TNRC18: variants seen among roughly 807,000 people sequenced by gnomAD.
TNRC18 encodes the protein trinucleotide repeat-containing gene 18 protein.
TNRC18 carries 69 observed loss-of-function variants against 226.7 expected under a neutral mutation model. The observed-to-expected ratio is 0.30, with a 90% CI of 0.25 to 0.37. TNRC18 has a LOEUF of 0.37. Among genes scored for constraint, TNRC18 ranks in the 10% least tolerant of loss-of-function variants. TNRC18 has a pLI of 1.00. For synonymous variants in TNRC18, 2,449 were observed against 1,927.6 expected (o/e 1.27, Z -7.09); for missense variants, 4,754 against 4,256.6 (o/e 1.12, Z -3.25).
chr7:5,399,567 G>A (rs1311240396), intron 2 of TNRC18, among the ~76,000 whole-genome samples: 4 of 152,048 alleles, frequency 2.6e-5, no homozygotes, highest in African/African-American at 7.2e-5. Context: ...TTAGCCGGGC[G>A]TGGTGGCACA....
chr7:5,407,642 T>A, intron 2 of TNRC18, among the ~76,000 whole-genome samples: 1 of 152,098 alleles, frequency 6.6e-6, no homozygotes, highest in Non-Finnish European at 1.5e-5. Context: ...ACAAAATAAG[T>A]GTTCGAATTT....
At position 5,315,059 on chromosome 7, in the gene TNRC18, C is replaced by T. The variant is rs1187774522; in HGVS notation, c.6952G>A (p.Gly2318Ser). The stretch of plus-strand genomic sequence containing the variant: ...CCTGGCTCCTCCGACCCAGCCGTGC[C>T]ACCATCTTTGCCCTCCCCAGTGTCT... ...SKDTGEGKDG[G>S]TAGSEEPGAK... Residue 2318 changes from glycine (G) to serine (S), a missense_variant, in exon 26 of 30, where the codon GGC (glycine) becomes AGC (serine). By Grantham distance (56) the Gly-to-Ser change is moderately conservative. Coordinates refer to ENST00000430969, the MANE Select transcript of TNRC18 (RefSeq NM_001080495.3). 6.2e-7 allele frequency: 1 copy of T among 1,611,498 alleles called. No homozygotes were observed. The highest frequency in any genetic ancestry group is 8.5e-7 in the Non-Finnish European group (1 of 1,179,134).
intron 3 of TNRC18, among the ~76,000 whole-genome samples, chr7:5,391,397 C>T (rs963860011): frequency 1.3e-5 from 2 of 151,854 alleles, no homozygotes; most frequent in Non-Finnish European, 2.9e-5. Context: ...CTGCAACCTC[C>T]ACCTCCTTAG....
chr7:5,374,456 C>T lies in TNRC18; in HGVS notation c.2828G>A (p.Arg943Gln), dbSNP rs762422762. 132 of 1,546,768 alleles carry T rather than the reference C, an allele frequency of 8.5e-5. 1 individual carries two copies. The Middle Eastern group carries it at 1.3e-3, about 15-fold the overall frequency. Reference protein sequence around the residue: ...VQERLKAQEHRAEMEEKGSKR... With the variant: ...VQERLKAQEHQAEMEEKGSKR... ...GCTCCCCTTCTCTTCCATCTCCGCC[C>T]GGTGCTCCTGCGCCTTCAACCGCTC... Residue 943 changes from arginine (R) to glutamine (Q), a missense_variant, in exon 10 of 30, where the codon CGG becomes CAG. Arg to Gln is a conservative substitution (Grantham distance 43, BLOSUM62 1). Transcript: ENST00000430969.
intron 10 of TNRC18, 102 bp from the exon 11 acceptor site, chr7:5,371,466 C>T (rs528834302): frequency 3.0e-5 from 41 of 1,369,538 alleles, no homozygotes; most frequent in South Asian, 1.3e-4. Flanking sequence ...AGGACGCAGC[C>T]GCCCCCTGCT....
At chr7:5,361,765 G>A (rs772432724) in intron 13 of TNRC18, 43 bp from the exon 14 acceptor site, 1 of 1,548,800 alleles carries the variant, frequency 6.5e-7, no homozygotes, top group East Asian at 2.4e-5. Flanking sequence ...TGGGGGGCGG[G>A]CGGGGCGCGG....
rs1782559869 is a variant in TNRC18 at position 5,421,149 on chromosome 7, G to C, written c.98C>G (p.Ala33Gly). Residue 33 changes from alanine (A) to glycine (G), a missense_variant, in exon 2 of 30, where the codon GCC becomes GGC. Ala to Gly is a moderately conservative substitution (Grantham distance 60). Coordinates refer to ENST00000430969, the MANE Select transcript of TNRC18 (RefSeq NM_001080495.3). ...LAMDSHRVGAATAGRLPASGL... is the reference protein window; with the variant it reads ...LAMDSHRVGAGTAGRLPASGL... ...CGAGGCGGGCAAGCGTCCGGCAGTGGCCGCGCCCACGCGGTGGCTGTCCAT... is the reference window on the plus strand; with the variant it reads ...CGAGGCGGGCAAGCGTCCGGCAGTGCCCGCGCCCACGCGGTGGCTGTCCAT... 7.0e-7 allele frequency: 1 copy of C among 1,431,008 alleles called. No homozygotes were observed. The highest frequency in any genetic ancestry group is 9.2e-7 in the Non-Finnish European group (1 of 1,088,508). The allele number at this position is 1,431,008 out of a possible 1,614,324, so 88.6% of individuals were successfully genotyped here.
rs569047006 is a variant in TNRC18, at chr7:5,332,743, G to A, written c.6026C>T (p.Ala2009Val). Residue 2009 changes from alanine (A) to valine (V), a missense_variant, in exon 19 of 30, where the codon GCT becomes GTT. Coordinates refer to ENST00000430969, the MANE Select transcript of TNRC18 (RefSeq NM_001080495.3). The part of the protein sequence containing the change: ...SERIFLHDAS[A>V]AAPAPVSTAP... ...GGTGCTGACGGGCGCAGGTGCAGCA[G>A]CCGAGGCGTCGTGCAGGAAGATGCG... The A allele has an allele frequency of 2.0e-6, 3 of 1,522,108 alleles. No individual in the cohort carries two copies. In the East Asian group the frequency reaches 7.6e-5, roughly 39 times the overall value. 94.3% of individuals were successfully genotyped at this position (1,522,108 alleles called of 1,614,324 possible).
intron 2 of TNRC18, chr7:5,420,286 C>T: frequency 2.3e-6 from 1 of 427,256 alleles, no homozygotes; most frequent in Non-Finnish European, 4.7e-6. Flanking sequence ...CCAGGGTTTT[C>T]CCCTCCGCCG....
intron 27 of TNRC18, among the ~76,000 whole-genome samples, chr7:5,310,059 T>C (rs1418201977): frequency 6.6e-6 from 1 of 151,956 alleles, no homozygotes; most frequent in Non-Finnish European, 1.5e-5. Flanking sequence ...ATTACAGGAA[T>C]CCACGGCTAA....
chr7:5,324,410 G>T lies in TNRC18; in HGVS notation c.6301-55C>A. 6.3e-7 allele frequency: 1 copy of T among 1,592,392 alleles called. No homozygotes were observed. On this transcript the variant is annotated intron_variant, in intron 20 of 29. Coordinates refer to ENST00000430969, the MANE Select transcript of TNRC18 (RefSeq NM_001080495.3). The surrounding 1 kb of genome is among the most constrained non-coding windows in gnomAD (Gnocchi z 4.8). ...TTAGGACCTGAACAGGGGTCCTGCC[G>T]GGTTGGGGACCCTCTCTGGAAACCT...
At chr7:5,369,382 C>T (rs1415934581) in intron 11 of TNRC18, among the ~76,000 whole-genome samples, 1 of 152,120 alleles carries the variant, frequency 6.6e-6, no homozygotes, top group African/African-American at 2.4e-5. Flanking sequence ...AAAGCATGAA[C>T]CGCAGTCAGC....
rs1787316962 is a variant in TNRC18, at chr7:5,312,366, T to A, written c.8388+137A>T. On this transcript the variant is annotated intron_variant, in intron 27 of 29. Transcript: ENST00000430969. This position sits in a 1 kb window ranked among gnomAD's most constrained non-coding sequence, Gnocchi z 6.3. Reference sequence around the variant, plus strand: ...CTCTGAGACTCAGTGTACCCATCCATAAAGTGGGACGCCAGCCCTCCACCC... The same window carrying A: ...CTCTGAGACTCAGTGTACCCATCCAAAAAGTGGGACGCCAGCCCTCCACCC... 25 of 1,302,212 alleles carry A rather than the reference T, an allele frequency of 1.9e-5. No homozygotes were observed. The African/African-American group carries it at 3.1e-4, about 16-fold the overall frequency. 80.7% of individuals were successfully genotyped at this position (1,302,212 alleles called of 1,614,324 possible).
intron 2 of TNRC18, among the ~76,000 whole-genome samples, chr7:5,413,447 T>C (rs897143225): frequency 1.3e-5 from 2 of 152,066 alleles, no homozygotes; most frequent in African/African-American, 4.8e-5. Context: ...CCAGCCTCCC[T>C]CCCTGGTAAC....
intron 19 of TNRC18, among the ~76,000 whole-genome samples, chr7:5,327,247 A>G (rs1024391390): frequency 6.6e-6 from 1 of 152,262 alleles, no homozygotes; most frequent in African/African-American, 2.4e-5. Flanking sequence ...CACAGCGTCC[A>G]TATCCAAAAT....
rs2128176511 is a variant in TNRC18 at position 5,374,231 on chromosome 7, G to A, written c.3053C>T (p.Pro1018Leu). 4 of 1,498,596 alleles carry A rather than the reference G, an allele frequency of 2.7e-6. No individual in the cohort carries two copies. Among genetic ancestry groups the A allele is most frequent in the Non-Finnish European group, 2.7e-6 (3 of 1,123,264 alleles). The allele number at this position is 1,498,596 out of a possible 1,614,324, so 92.8% of individuals were successfully genotyped here. A position where few individuals can be genotyped will look rare whatever the true frequency, so the allele number is the denominator to read the frequency against. The change falls in exon 10 of 30, where the codon CCA (proline) becomes CTA (leucine). Residue 1018 changes from proline (P) to leucine (L), a missense_variant. Transcript: ENST00000430969. Reference protein sequence around the residue: ...VIQKLEDVSKPPAYAYPATPS... With the variant: ...VIQKLEDVSKLPAYAYPATPS... ...GGTGGCGGGGTAGGCGTAGGCGGGT[G>A]GCTTGGACACGTCCTCCAGCTTCTG...
At chr7:5,411,324 C>T (rs781754071) in intron 2 of TNRC18, among the ~76,000 whole-genome samples, 9 of 151,112 alleles carry the variant, frequency 6.0e-5, no homozygotes, top group African/African-American at 1.2e-4. Flanking sequence ...AAGTAGCAGT[C>T]GAATATGGAA....
chr7:5,345,492 C>T, intron 18 of TNRC18, 70 bp downstream of exon 18: 1 of 1,372,936 alleles, frequency 7.3e-7, no homozygotes. Flanking sequence ...AGTTTCCTCA[C>T]CTGTGGGATG....
intron 11 of TNRC18, among the ~76,000 whole-genome samples, chr7:5,367,193 C>A (rs1278252190): frequency 6.6e-6 from 1 of 151,876 alleles, no homozygotes; most frequent in African/African-American, 2.4e-5. Flanking sequence ...GGGGAAACCC[C>A]GTCTCTACTA....
Sources: allele counts gnomAD v4.1 joint callset (sites outside exome capture counted in the v4.1 genomes callset), GRCh38; gene constraint gnomAD v4.1.1; non-coding constraint Gnocchi (gnomAD v3.1); transcripts MANE v1.5; gene names NCBI Gene and HGNC (gene_info 2026-07-23, HGNC 2026-07-21).